REEP1: variants seen among roughly 807,000 people sequenced by gnomAD.
REEP1 encodes receptor accessory protein 1, also known as receptor expression-enhancing protein 1.
A neutral mutation model predicts 40.3 loss-of-function variants in REEP1; 22 were observed. The ratio of observed to expected loss-of-function variants is 0.55; its 90% confidence interval spans 0.39 to 0.78. The LOEUF is 0.78. REEP1 is among the 30% of genes least tolerant of loss of function. REEP1 has a pLI of 0.00. For synonymous variants in REEP1, 116 were observed against 139.2 expected (o/e 0.83, Z 1.17); for missense variants, 280 against 361.1 (o/e 0.78, Z 1.82).
chr2:86,243,665 T>C (rs1675786641), intron 5 of REEP1, among the ~76,000 whole-genome samples: 1 of 152,190 alleles, frequency 6.6e-6, no homozygotes, highest in South Asian at 2.1e-4. Flanking sequence ...AGAGTGAAAC[T>C]TGGGTACGAG....
chr2:86,318,138 T>C (rs1355584728), intron 1 of REEP1, among the ~76,000 whole-genome samples: 1 of 152,174 alleles, frequency 6.6e-6, no homozygotes, highest in Non-Finnish European at 1.5e-5. Flanking sequence ...TTTTGGATAT[T>C]ATACAATAAA....
At chr2:86,244,572 G>A (rs1171081227) in intron 5 of REEP1, among the ~76,000 whole-genome samples, 1 of 152,158 alleles carries the variant, frequency 6.6e-6, no homozygotes, top group Non-Finnish European at 1.5e-5. Flanking sequence ...GGCCAGACCA[G>A]TAAAGAGGAA....
intron 8 of REEP1, 51 bp from the exon 9 acceptor site, chr2:86,217,161 C>G (rs967324148): frequency 4.0e-6 from 6 of 1,493,144 alleles, no homozygotes; most frequent in Non-Finnish European, 5.6e-6. Context: ...AATGTGGGAT[C>G]TTTTGAGGTC....
chr2:86,240,020 C>T (rs2104117449), intron 5 of REEP1: 2 of 152,642 alleles, frequency 1.3e-5, no homozygotes, highest in South Asian at 4.1e-4. Flanking sequence ...AACAGGGTTA[C>T]CTGCCCTTCT....
chr2:86,286,482 T>C (rs187931294), intron 1 of REEP1, among the ~76,000 whole-genome samples: 1 of 152,300 alleles, frequency 6.6e-6, no homozygotes, highest in East Asian at 1.9e-4. Flanking sequence ...TCCTGGTCTT[T>C]GGGCCATGGA....
At chr2:86,275,092 A>G (rs1466781758) in intron 2 of REEP1, among the ~76,000 whole-genome samples, 2 of 152,148 alleles carry the variant, frequency 1.3e-5, no homozygotes, top group Non-Finnish European at 2.9e-5. Context: ...ACCCTCTTGC[A>G]TCTGGGCCCT....
chr2:86,282,048 G>A, intron 2 of REEP1, 122 bp downstream of exon 2: 2 of 750,356 alleles, frequency 2.7e-6, no homozygotes, highest in South Asian at 1.4e-5. Context: ...TGAGAACTGT[G>A]ATGAAGGAAC....
intron 6 of REEP1, 148 bp from the exon 7 acceptor site, chr2:86,227,546 C>A: frequency 7.3e-6 from 4 of 547,378 alleles, no homozygotes; most frequent in Non-Finnish European, 1.1e-5. Flanking sequence ...GTAGAGACAC[C>A]AAAGTGGGGA....
intron 5 of REEP1, among the ~76,000 whole-genome samples, chr2:86,238,001 G>C (rs1675452632): frequency 6.6e-6 from 1 of 152,050 alleles, no homozygotes; most frequent in African/African-American, 2.4e-5. Flanking sequence ...GTCCAACATG[G>C]AGAAACTCCA....
At position 86,215,023 on chromosome 2, in the gene REEP1, C is replaced by CTTTTTT. The variant is rs11350708; in HGVS notation, c.*2010_*2015dup. The stretch of plus-strand genomic sequence containing the variant: ...AAAAATTGCTAAGAAGCTGTGTAAG[C>CTTTTTT]TTTTTTTTTTTTTTTTTTTTTTTGC... On this transcript the variant is annotated 3_prime_UTR_variant, in exon 9 of 9. Coordinates refer to ENST00000538924, the MANE Select transcript of REEP1 (RefSeq NM_001371279.1). 2.1e-3 allele frequency: 125 copies of CTTTTTT among 59,556 alleles called. No individual in the cohort carries two copies. Among genetic ancestry groups the CTTTTTT allele is most frequent in the East Asian group, 4.4e-3 (7 of 1,590 alleles). 3.7% of individuals were successfully genotyped at this position (59,556 alleles called of 1,614,324 possible).
chr2:86,223,734 A>G (rs1222260684), intron 7 of REEP1: 1 of 111,318 alleles, frequency 9.0e-6, no homozygotes, highest in Admixed American at 9.3e-5. Context: ...TCAAAATGCA[A>G]TTCTCTCTCT....
At chr2:86,270,274 G>A (rs866409664) in intron 2 of REEP1, among the ~76,000 whole-genome samples, 7 of 152,102 alleles carry the variant, frequency 4.6e-5, no homozygotes, top group East Asian at 1.9e-4. Flanking sequence ...TCAGTTCTCC[G>A]TAACCTCCTC....
intron 5 of REEP1, among the ~76,000 whole-genome samples, chr2:86,239,110 A>T (rs1267801584): frequency 6.8e-6 from 1 of 146,582 alleles, no homozygotes; most frequent in Non-Finnish European, 1.5e-5. Flanking sequence ...AGTACAATTT[A>T]ATTTTCAGTA....
At position 86,227,952 on chromosome 2, in the gene REEP1, T is replaced by C. The variant is rs115563894; in HGVS notation, c.596-554A>G. ...CCAGGATCATTCTTTCAACATTTCT[T>C]GTACACTTCCTGGTGTCCAGTGCTA... On this transcript the variant is annotated intron_variant, in intron 6 of 8. Transcript: ENST00000538924. Among the ~76,000 whole-genome samples, 941 of 152,334 alleles carry C rather than the reference T, an allele frequency of 6.2e-3. 16 individuals carry two copies. Among genetic ancestry groups the C allele is most frequent in the African/African-American group, 0.021 (876 of 41,566 alleles).
At chr2:86,223,421 C>T (rs1303296006) in intron 7 of REEP1, 2 of 152,384 alleles carry the variant, frequency 1.3e-5, no homozygotes, top group Non-Finnish European at 2.9e-5. Flanking sequence ...ACACAGCACA[C>T]ATTAGCGGGA....
intron 3 of REEP1, among the ~76,000 whole-genome samples, chr2:86,255,772 G>A (rs1285916318): frequency 1.3e-5 from 2 of 152,130 alleles, no homozygotes; most frequent in Non-Finnish European, 1.5e-5. Context: ...GCTAGCCCAC[G>A]TGGTGCCTTT....
At chr2:86,231,743 C>T (rs953535001) in intron 6 of REEP1, among the ~76,000 whole-genome samples, 8 of 152,090 alleles carry the variant, frequency 5.3e-5, no homozygotes, top group African/African-American at 1.9e-4. Flanking sequence ...CTGTGCTCAG[C>T]CCCTGAGACC....
chr2:86,264,786 T>C (rs548474942), intron 2 of REEP1, among the ~76,000 whole-genome samples: 8 of 152,200 alleles, frequency 5.3e-5, no homozygotes, highest in African/African-American at 1.9e-4. Context: ...TCAAAACAAC[T>C]GTTTGAAGGC....
chr2:86,303,793 A>G (rs1462411185), intron 1 of REEP1, among the ~76,000 whole-genome samples: 1 of 152,210 alleles, frequency 6.6e-6, no homozygotes, highest in Non-Finnish European at 1.5e-5. Flanking sequence ...AGGGGAGAAC[A>G]GCATGAATAA....
Sources: allele counts gnomAD v4.1 joint callset (sites outside exome capture counted in the v4.1 genomes callset), GRCh38; gene constraint gnomAD v4.1.1; transcripts MANE v1.5; gene names NCBI Gene and HGNC (gene_info 2026-07-23, HGNC 2026-07-21).